The following NR1H4 variants were observed in gnomAD, a reference collection of about 807,000 sequenced individuals.
NR1H4 encodes the protein bile acid receptor.
NR1H4 carries 23 observed loss-of-function variants against 58.5 expected under a neutral mutation model. The observed-to-expected ratio is 0.39, with a 90% CI of 0.28 to 0.56. The LOEUF is 0.56. Among genes scored for constraint, NR1H4 ranks in the 20% least tolerant of loss-of-function variants. NR1H4 has a pLI of 0.58. For synonymous variants in NR1H4, 214 were observed against 198.0 expected, an observed-to-expected ratio of 1.08 and a Z score of -0.68; for missense variants, 487 against 576.9, an observed-to-expected ratio of 0.84 and a Z score of 1.60.
chr12:100,499,645 T>C (rs1953789965), intron 3 of NR1H4, among the ~76,000 whole-genome samples: 1 of 152,176 alleles, frequency 6.6e-6, no homozygotes, highest in African/African-American at 2.4e-5. Flanking sequence ...TCCACTGCAG[T>C]CTAGGCCTTA....
In NR1H4 at chr12:100,532,996, G is replaced by A. The variant is rs1954731995; in HGVS notation, c.598+386G>A. 2.6e-5 allele frequency among the ~76,000 whole-genome samples: 4 copies of A among 152,092 alleles called. No homozygotes were observed. The South Asian group carries it at 8.3e-4, about 32-fold the overall frequency. On this transcript the variant is annotated intron_variant, in intron 5 of 10. Transcript: ENST00000392986. Reference sequence around the variant, plus strand: ...AATTCACTATTGTGGAAAAAAATGAGAATGCTTTATAAGGTATAACTGCCT... The same window carrying A: ...AATTCACTATTGTGGAAAAAAATGAAAATGCTTTATAAGGTATAACTGCCT...
rs1445565673 is a variant in NR1H4 at position 100,558,497 on chromosome 12, A to G, written c.1079-3388A>G. ...CTCAGCCTCCTGAGTAGCTGGGACC[A>G]CAGGCATGTGCCCACTGCACCCAGC... On this transcript the variant is annotated intron_variant, in intron 9 of 10. Transcript: ENST00000392986. 7.2e-5 allele frequency among the ~76,000 whole-genome samples: 11 copies of G among 152,148 alleles called. 1 individual carries two copies. The highest frequency in any genetic ancestry group is 2.1e-4 in the South Asian group (1 of 4,826).
chr12:100,504,991 C>T (rs1215578316), intron 3 of NR1H4, among the ~76,000 whole-genome samples: 2 of 152,020 alleles, frequency 1.3e-5, no homozygotes, highest in African/African-American at 4.8e-5. Context: ...GCTGACAAGG[C>T]AGGGAGAGGC....
chr12:100,554,656 T>C (rs1203187052), intron 9 of NR1H4, among the ~76,000 whole-genome samples: 1 of 152,168 alleles, frequency 6.6e-6, no homozygotes, highest in Non-Finnish European at 1.5e-5. Flanking sequence ...TTTTCAGACT[T>C]TTCCATGGCA....
At chr12:100,531,479 A>G (rs1339139320) in intron 4 of NR1H4, among the ~76,000 whole-genome samples, 1 of 152,166 alleles carries the variant, frequency 6.6e-6, no homozygotes, top group African/African-American at 2.4e-5. Flanking sequence ...CAAAGTTCAG[A>G]TGAAAGTATC....
At chr12:100,527,546 A>T (rs1193689081) in intron 4 of NR1H4, among the ~76,000 whole-genome samples, 1 of 152,186 alleles carries the variant, frequency 6.6e-6, no homozygotes, top group African/African-American at 2.4e-5. Flanking sequence ...AATAGGAAAT[A>T]AAAAGAGTGT....
intron 4 of NR1H4, among the ~76,000 whole-genome samples, chr12:100,514,293 C>G (rs766746043): frequency 8.5e-5 from 13 of 152,196 alleles, no homozygotes; most frequent in Non-Finnish European, 1.6e-4. Flanking sequence ...TTCTGTGAAT[C>G]TGTAGTACCA....
intron 4 of NR1H4, among the ~76,000 whole-genome samples, chr12:100,529,427 C>A (rs897099710): frequency 2.0e-5 from 3 of 152,114 alleles, no homozygotes; most frequent in Non-Finnish European, 4.4e-5. Context: ...GTCATACTGT[C>A]CCCTGTCAAA....
At chr12:100,530,130 G>T (rs984118210) in intron 4 of NR1H4, among the ~76,000 whole-genome samples, 1 of 152,196 alleles carries the variant, frequency 6.6e-6, no homozygotes, top group Non-Finnish European at 1.5e-5. Flanking sequence ...CCAGGTCAGA[G>T]AATGCAGCTT....
chr12:100,539,933 G>A (rs1954898329), intron 8 of NR1H4, among the ~76,000 whole-genome samples: 1 of 152,156 alleles, frequency 6.6e-6, no homozygotes, highest in South Asian at 2.1e-4. Flanking sequence ...GGTTATCTGG[G>A]AAGAACATTA....
intron 4 of NR1H4, among the ~76,000 whole-genome samples, chr12:100,522,475 T>C (rs1954450576): frequency 6.6e-6 from 1 of 152,102 alleles, no homozygotes; most frequent in Non-Finnish European, 1.5e-5. Flanking sequence ...ATTGGGTTGT[T>C]GTGAATTTAA....
chr12:100,550,145 T>G (rs1052268694), intron 9 of NR1H4, among the ~76,000 whole-genome samples: 1 of 152,184 alleles, frequency 6.6e-6, no homozygotes, highest in South Asian at 2.1e-4. Flanking sequence ...AATTAGAGTA[T>G]TTATGTTAAT....
At chr12:100,514,986 G>A (rs988811383) in intron 4 of NR1H4, among the ~76,000 whole-genome samples, 6 of 151,774 alleles carry the variant, frequency 4.0e-5, no homozygotes, top group African/African-American at 1.5e-4. Flanking sequence ...CCAAACTCAG[G>A]TTCTTTTGAG....
At chr12:100,504,657 C>A (rs1158081459) in intron 3 of NR1H4, among the ~76,000 whole-genome samples, 1 of 152,154 alleles carries the variant, frequency 6.6e-6, no homozygotes, top group African/African-American at 2.4e-5. Flanking sequence ...TTTATTACAG[C>A]CTCTCATGCA....
At chr12:100,482,216 G>T (rs1593034871) in intron 1 of NR1H4, among the ~76,000 whole-genome samples, 1 of 152,256 alleles carries the variant, frequency 6.6e-6, no homozygotes, top group East Asian at 1.9e-4. Context: ...ATGCTTAAGA[G>T]ATTTCCAATA....
At chr12:100,529,595 TAC>T (rs1954643402) in intron 4 of NR1H4, among the ~76,000 whole-genome samples, 1 of 152,190 alleles carries the variant, frequency 6.6e-6, no homozygotes, top group Admixed American at 6.5e-5. Flanking sequence ...ATGGAGTATC[TAC>T]CCTTTCTTGG....
intron 1 of NR1H4, among the ~76,000 whole-genome samples, chr12:100,479,980 C>A (rs557177457): frequency 5.8e-4 from 88 of 152,374 alleles, no homozygotes; most frequent in Non-Finnish European, 1.0e-3. Context: ...CTACAACACT[C>A]TATACTTCTC....
At chr12:100,499,922 A>G (rs1418101728) in intron 3 of NR1H4, 1 of 456,040 alleles carries the variant, frequency 2.2e-6, no homozygotes, top group Admixed American at 2.3e-5. Context: ...TTAACTTTGC[A>G]CAAGTTACTT....
intron 4 of NR1H4, among the ~76,000 whole-genome samples, chr12:100,512,981 A>G (rs762904109): frequency 7.9e-5 from 12 of 152,206 alleles, no homozygotes; most frequent in Non-Finnish European, 1.5e-4. Context: ...AAAACTGGGT[A>G]TGATATTGTT....
Sources: allele counts gnomAD v4.1 joint callset (sites outside exome capture counted in the v4.1 genomes callset), GRCh38; gene constraint gnomAD v4.1.1; transcripts MANE v1.5; gene names NCBI Gene and HGNC (gene_info 2026-07-23, HGNC 2026-07-21).